PRUNE1: variants seen among roughly 807,000 people sequenced by gnomAD.
The protein encoded by PRUNE1 is exopolyphosphatase PRUNE1.
PRUNE1 carries 25 observed loss-of-function variants against 42.5 expected under a neutral mutation model. The ratio of observed to expected loss-of-function variants is 0.59; its 90% CI spans 0.43 to 0.82. The LOEUF is 0.82. Ranked by LOEUF, PRUNE1 falls within the 40% of genes least tolerant of loss-of-function variation. The pLI, the probability that PRUNE1 is intolerant of heterozygous loss-of-function variation, is 0.00. For synonymous variants in PRUNE1, 203 were observed against 217.1 expected (o/e 0.93, Z 0.57); for missense variants, 443 against 539.3 (o/e 0.82, Z 1.77).
intron 6 of PRUNE1, among the ~76,000 whole-genome samples, chr1:151,027,749 TG>T (rs1355193837): frequency 9.8e-6 from 1 of 102,480 alleles, no homozygotes. Flanking sequence ...ACCTAACTAG[TG>T]TGTGTGTGTG....
In PRUNE1 at chr1:151,034,424, C is replaced by A; in HGVS notation, c.*190C>A. The A allele has an allele frequency of 1.7e-6, 1 of 605,264 alleles. No individual in the cohort carries two copies. The allele number at this position is 605,264 out of a possible 1,614,324, so 37.5% of individuals were successfully genotyped here. A position where few individuals can be genotyped will look rare whatever the true frequency, so the allele number is the denominator to read the frequency against. ...TAAGAATGGTTTTCCACCTTTTCCC[C>A]CTAATCTCTACCAATCAGACACATT... is the stretch of plus-strand genomic sequence containing the variant. On this transcript the variant is annotated 3_prime_UTR_variant, in exon 8 of 8. Coordinates refer to ENST00000271620, the MANE Select transcript of PRUNE1 (RefSeq NM_021222.3).
At position 151,030,154 on chromosome 1, in the gene PRUNE1, C is replaced by T. The variant is rs587741567; in HGVS notation, c.933+1210C>T. 2.0e-5 allele frequency among the ~76,000 whole-genome samples: 3 copies of T among 151,350 alleles called. No individual in the cohort carries two copies. The East Asian group carries it at 5.9e-4, about 30-fold the overall frequency. The stretch of plus-strand genomic sequence containing the variant: ...GTGCGTGCCTATAGTCCCAGCTACT[C>T]AGGAGGCTGAGGCAGGAGAATCTCT... On this transcript the variant is annotated intron_variant, in intron 7 of 7. Coordinates refer to ENST00000271620, the MANE Select transcript of PRUNE1 (RefSeq NM_021222.3).
intron 3 of PRUNE1, among the ~76,000 whole-genome samples, chr1:151,023,600 C>G (rs1674620126): frequency 6.6e-6 from 1 of 151,706 alleles, no homozygotes; most frequent in Non-Finnish European, 1.5e-5. Flanking sequence ...CGCCTGTACT[C>G]CCAGCTACTT....
intron 1 of PRUNE1, among the ~76,000 whole-genome samples, chr1:151,015,517 C>G (rs1464363216): frequency 6.7e-6 from 1 of 150,028 alleles, no homozygotes; most frequent in Non-Finnish European, 1.5e-5. Context: ...GCCTGTAATC[C>G]CAGCTACTCA....
At chr1:151,031,218 C>T (rs1312521868) in intron 7 of PRUNE1, among the ~76,000 whole-genome samples, 2 of 136,772 alleles carry the variant, frequency 1.5e-5, no homozygotes, top group African/African-American at 2.8e-5. Context: ...TGAGATGTCT[C>T]ACTCTGTTGA....
chr1:151,015,085 G>C (rs1345336369), intron 1 of PRUNE1, among the ~76,000 whole-genome samples: 1 of 151,890 alleles, frequency 6.6e-6, no homozygotes, highest in African/African-American at 2.4e-5. Context: ...CCCAACACTT[G>C]GGGAAGCTGA....
In PRUNE1 at chr1:151,033,980, T is replaced by G. The variant is rs1366513886; in HGVS notation, c.1108T>G (p.Ser370Ala). Reference sequence around the variant, plus strand: ...ATATTTTGACTCCATGAAGATCCCTTCAGGACAGCCTGAGACAGCAGATGT... The same window carrying G: ...ATATTTTGACTCCATGAAGATCCCTGCAGGACAGCCTGAGACAGCAGATGT... ...SAYFDSMKIP[S>A]GQPETADVSR... is the part of the protein sequence containing the mutation. Residue 370 changes from serine (S) to alanine (A), a missense_variant, in exon 8 of 8, where the codon TCA (serine) becomes GCA (alanine). By Grantham distance (99) the Ser-to-Ala change is moderately conservative (BLOSUM62 1). Coordinates refer to ENST00000271620, the MANE Select transcript of PRUNE1 (RefSeq NM_021222.3). 6.2e-7 allele frequency: 1 copy of G among 1,614,064 alleles called. No homozygotes were observed. Among genetic ancestry groups the G allele is most frequent in the South Asian group, 1.1e-5 (1 of 91,076 alleles).
intron 7 of PRUNE1, 87 bp from the exon 8 acceptor site, chr1:151,033,718 CT>C (rs2102948703): frequency 7.5e-7 from 1 of 1,335,702 alleles, no homozygotes; most frequent in African/African-American, 1.5e-5. Flanking sequence ...AAAGCTTCCT[CT>C]TCTATAGAGG....
intron 3 of PRUNE1, among the ~76,000 whole-genome samples, chr1:151,020,100 T>G (rs1257113607): frequency 7.4e-6 from 1 of 135,530 alleles, no homozygotes; most frequent in Non-Finnish European, 1.6e-5. Flanking sequence ...CCCAAAGTGG[T>G]GGGATTACAG....
At chr1:151,008,779 G>A in intron 1 of PRUNE1, 108 bp downstream of exon 1, 1 of 1,346,130 alleles carries the variant, frequency 7.4e-7, no homozygotes, top group East Asian at 2.3e-5. Context: ...GGAACACTGA[G>A]TTGTGGGGAG....
intron 5 of PRUNE1, 35 bp from the exon 6 acceptor site, chr1:151,027,198 C>A: frequency 1.3e-6 from 2 of 1,513,884 alleles, no homozygotes; most frequent in Non-Finnish European, 1.8e-6. Context: ...CCTGGCCTAC[C>A]CTGTTTGACC....
intron 1 of PRUNE1, among the ~76,000 whole-genome samples, chr1:151,013,746 G>C: frequency 6.6e-6 from 1 of 152,142 alleles, no homozygotes; most frequent in Admixed American, 6.6e-5. Flanking sequence ...GCTTCAGTGA[G>C]CAAGTTATTT....
intron 5 of PRUNE1, 44 bp downstream of exon 5, chr1:151,025,717 C>A: frequency 6.4e-7 from 1 of 1,552,494 alleles, no homozygotes; most frequent in Non-Finnish European, 8.8e-7. Context: ...GATAAGAAAA[C>A]AGAAAGGCAA....
chr1:151,018,524 C>T lies in PRUNE1; in HGVS notation c.190C>T (p.Pro64Ser). ...PVLNIKRSEL[P>S]LRGDIVFFLQ... is the part of the protein sequence containing the mutation. ...TTTAAATATAAAACGTTCTGAACTA[C>T]CTCTGCGAGGTGACATTGTCTTCTT... is the stretch of plus-strand genomic sequence containing the variant. Residue 64 changes from proline to serine, a missense_variant, in exon 3 of 8, where the codon CCT (proline) becomes TCT (serine). Physicochemically the swap from Pro to Ser is moderately conservative, Grantham distance 74. Transcript: ENST00000271620. The T allele has an allele frequency of 6.2e-7, 1 of 1,613,926 alleles. No individual in the cohort carries two copies. Among genetic ancestry groups the T allele is most frequent in the South Asian group, 1.1e-5 (1 of 91,086 alleles).
rs587609652 is a variant in PRUNE1, at chr1:151,033,557, A to AT, written c.934-243dup. Among the ~76,000 whole-genome samples the AT allele has an allele frequency of 5.3e-3, 794 of 151,020 alleles. 6 individuals carry two copies. The highest frequency in any genetic ancestry group is 0.018 in the African/African-American group (747 of 41,116). On this transcript the variant is annotated intron_variant, in intron 7 of 7. Coordinates refer to ENST00000271620, the MANE Select transcript of PRUNE1 (RefSeq NM_021222.3). ...AGGCACCCGCCACCATGCCCGGCTA[A>AT]TTTTTTGTATTTTTAGTAGAGACGG... is the stretch of plus-strand genomic sequence containing the variant.
chr1:151,029,075 A>T, intron 7 of PRUNE1, 131 bp downstream of exon 7: 1 of 903,696 alleles, frequency 1.1e-6, no homozygotes, highest in Non-Finnish European at 1.6e-6. Flanking sequence ...AGGTCCCTTG[A>T]CCTGTTTCTG....
At chr1:151,027,962 C>T (rs747499345) in intron 6 of PRUNE1, among the ~76,000 whole-genome samples, 9 of 152,052 alleles carry the variant, frequency 5.9e-5, no homozygotes, top group African/African-American at 9.7e-5. Flanking sequence ...TGGTTTACAG[C>T]GCCATGCTTG....
At chr1:151,020,754 G>A (rs974499518) in intron 3 of PRUNE1, among the ~76,000 whole-genome samples, 2 of 152,032 alleles carry the variant, frequency 1.3e-5, no homozygotes, top group Non-Finnish European at 2.9e-5. Flanking sequence ...GGCTGAGGGG[G>A]GCGGATCATG....
At chr1:151,026,847 C>CTTT (rs766393235) in intron 5 of PRUNE1, among the ~76,000 whole-genome samples, 1,512 of 128,570 alleles carry the variant, frequency 0.012, 20 homozygotes, top group African/African-American at 0.037. Flanking sequence ...TTCTTTCTTT[C>CTTT]TTTTTTTTTT....
Sources: allele counts gnomAD v4.1 joint callset (sites outside exome capture counted in the v4.1 genomes callset), GRCh38; gene constraint gnomAD v4.1.1; transcripts MANE v1.5; gene names NCBI Gene and HGNC (gene_info 2026-07-23, HGNC 2026-07-21).